The following SLC24A2 variants were observed in gnomAD, a reference collection of about 807,000 sequenced individuals.
SLC24A2 encodes the protein sodium/potassium/calcium exchanger 2.
In SLC24A2, 36 loss-of-function variants were observed where a neutral mutation model predicts 62.0. That is an observed-to-expected ratio of 0.58 (90% CI 0.44 to 0.77). The LOEUF is 0.77. Among genes scored for constraint, SLC24A2 ranks in the 30% least tolerant of loss-of-function variants. SLC24A2 has a pLI of 0.00. For synonymous variants in SLC24A2, 358 were observed against 294.0 expected (o/e 1.22, Z -2.23); for missense variants, 846 against 817.9 (o/e 1.03, Z -0.42).
intron 2 of SLC24A2, among the ~76,000 whole-genome samples, chr9:19,655,535 A>G (rs1818920462): frequency 6.6e-6 from 1 of 152,212 alleles, no homozygotes; most frequent in African/African-American, 2.4e-5. Context: ...AAAGTCTTCC[A>G]TTAGAAATGG....
chr9:19,856,341 G>A, the SLC24A2 span, among the ~76,000 whole-genome samples: 2 of 152,112 alleles, frequency 1.3e-5, no homozygotes, highest in African/African-American at 4.8e-5. Flanking sequence ...GAGGAGTTAC[G>A]ATCATTTGGA....
At chr9:20,264,796 A>T in the SLC24A2 span, among the ~76,000 whole-genome samples, 1 of 152,220 alleles carries the variant, frequency 6.6e-6, no homozygotes, top group African/African-American at 2.4e-5. Context: ...GAGTTAGGCA[A>T]GTTACTTAAT....
chr9:19,745,235 A>T (rs1821797881), intron 2 of SLC24A2, among the ~76,000 whole-genome samples: 1 of 152,196 alleles, frequency 6.6e-6, no homozygotes, highest in African/African-American at 2.4e-5. Flanking sequence ...TCCCAGAAGC[A>T]GATGACTGTG....
chr9:20,074,545 G>A, the SLC24A2 span, among the ~76,000 whole-genome samples: 1 of 143,326 alleles, frequency 7.0e-6, no homozygotes, highest in Non-Finnish European at 1.5e-5. Flanking sequence ...ATAATAGGAA[G>A]AGAAGAAGGC....
At chr9:19,986,004 G>A in the SLC24A2 span, among the ~76,000 whole-genome samples, 2 of 152,062 alleles carry the variant, frequency 1.3e-5, no homozygotes, top group Non-Finnish European at 2.9e-5. Context: ...TAGGATGGGA[G>A]AAAATATTTG....
At chr9:19,530,691 T>C (rs1018426579) in intron 8 of SLC24A2, among the ~76,000 whole-genome samples, 2 of 152,210 alleles carry the variant, frequency 1.3e-5, no homozygotes, top group African/African-American at 4.8e-5. Context: ...AAATCAATAT[T>C]TGATGCCCAT....
upstream of SLC24A2, among the ~76,000 whole-genome samples, chr9:19,792,943 T>G (rs990508014): frequency 2.6e-5 from 4 of 152,212 alleles, no homozygotes; most frequent in Non-Finnish European, 5.9e-5. Flanking sequence ...ACCTCGACTT[T>G]AGCTAAACAA....
At chr9:19,576,097 G>A (rs1435432472) in intron 6 of SLC24A2, among the ~76,000 whole-genome samples, 1 of 152,110 alleles carries the variant, frequency 6.6e-6, no homozygotes, top group African/African-American at 2.4e-5. Context: ...AATTTTCCCT[G>A]AGGTAGAAGT....
At chr9:19,989,181 T>C in the SLC24A2 span, among the ~76,000 whole-genome samples, 3 of 152,302 alleles carry the variant, frequency 2.0e-5, no homozygotes, top group African/African-American at 7.2e-5. Context: ...TCATTAACCA[T>C]AATAACTTTA....
At position 19,543,317 on chromosome 9, in the gene SLC24A2, CT is replaced by C. The variant is rs1478255238; in HGVS notation, c.1479+6819del. ...TATTGCATCCATTTGATTCTTCTCT[CT>C]TTTCTTTATTAGTCTGGCTAGCAGT... On this transcript the variant is annotated intron_variant, in intron 8 of 10. Transcript: ENST00000341998. 5.3e-5 allele frequency among the ~76,000 whole-genome samples: 8 copies of C among 151,482 alleles called. No homozygotes were observed. The East Asian group carries it at 1.5e-3, about 29-fold the overall frequency.
chr9:19,937,087 T>C, the SLC24A2 span, among the ~76,000 whole-genome samples: 4 of 152,272 alleles, frequency 2.6e-5, no homozygotes, highest in African/African-American at 7.2e-5. Flanking sequence ...GAATTAGGCC[T>C]AAAAACACAT....
At chr9:20,078,960 T>C in the SLC24A2 span, among the ~76,000 whole-genome samples, 5 of 152,226 alleles carry the variant, frequency 3.3e-5, no homozygotes, top group African/African-American at 7.2e-5. Context: ...GTGGATTGAA[T>C]GGTGACCTCT....
the SLC24A2 span, among the ~76,000 whole-genome samples, chr9:20,012,677 A>G: frequency 2.0e-5 from 3 of 152,242 alleles, no homozygotes; most frequent in Non-Finnish European, 4.4e-5. Context: ...CAAATTCAGT[A>G]AACAAATTCA....
At chr9:19,563,583 A>G (rs184361625) in intron 7 of SLC24A2, among the ~76,000 whole-genome samples, 147 of 152,304 alleles carry the variant, frequency 9.7e-4, no homozygotes, top group African/African-American at 3.4e-3. Context: ...ACCAACATTT[A>G]TTACGAAATC....
chr9:19,991,393 A>G, the SLC24A2 span, among the ~76,000 whole-genome samples: 1 of 152,144 alleles, frequency 6.6e-6, no homozygotes, highest in East Asian at 1.9e-4. Context: ...CTTTTATCCT[A>G]GCTGCTGATT....
At chr9:19,971,198 G>C in the SLC24A2 span, among the ~76,000 whole-genome samples, 4 of 152,154 alleles carry the variant, frequency 2.6e-5, no homozygotes, top group Admixed American at 2.6e-4. Context: ...TCCTAGGTCA[G>C]TCAACAACCA....
the SLC24A2 span, among the ~76,000 whole-genome samples, chr9:20,085,552 T>A: frequency 6.6e-6 from 1 of 152,204 alleles, no homozygotes; most frequent in Non-Finnish European, 1.5e-5. Flanking sequence ...TACATAAGCA[T>A]GCTGTTCAAA....
chr9:19,731,372 A>G (rs1821327766), intron 2 of SLC24A2, among the ~76,000 whole-genome samples: 3 of 152,234 alleles, frequency 2.0e-5, no homozygotes, highest in Admixed American at 2.0e-4. Flanking sequence ...TTGAAGCTCT[A>G]ACCCCCAATG....
intron 2 of SLC24A2, among the ~76,000 whole-genome samples, chr9:19,650,903 C>A (rs566428943): frequency 6.6e-6 from 1 of 151,856 alleles, no homozygotes; most frequent in Non-Finnish European, 1.5e-5. Context: ...CTTCTGTTGG[C>A]AGGGTTGAAA....
Sources: allele counts gnomAD v4.1 joint callset (sites outside exome capture counted in the v4.1 genomes callset), GRCh38; gene constraint gnomAD v4.1.1; transcripts MANE v1.5; gene names NCBI Gene and HGNC (gene_info 2026-07-23, HGNC 2026-07-21).